CHCT1: variants seen among roughly 807,000 people sequenced by gnomAD.
The protein encoded by CHCT1 is CHD1 helical C-terminal domain containing protein 1.
chr17:60,431,050 T>C, the CHCT1 span: 27 of 626,630 alleles, frequency 4.3e-5, no homozygotes, highest in Admixed American at 5.0e-4. Context: ...AACTAAGTGA[T>C]ATAGGTGGGA....
the CHCT1 span, chr17:60,429,417 A>G: frequency 1.2e-6 from 2 of 1,614,126 alleles, no homozygotes; most frequent in Non-Finnish European, 1.7e-6. Flanking sequence ...GACCGGGAAG[A>G]CAGTCTGCCC....
the CHCT1 span, among the ~76,000 whole-genome samples, chr17:60,423,212 GAC>G: frequency 6.8e-6 from 1 of 146,932 alleles, no homozygotes; most frequent in East Asian, 2.0e-4. Flanking sequence ...TTTTTTTTGA[GAC>G]AGAGTCTCAC....
the CHCT1 span, chr17:60,431,158 G>A: frequency 1.3e-6 from 2 of 1,518,498 alleles, no homozygotes; most frequent in Middle Eastern, 1.7e-4. Flanking sequence ...CATTGGGACT[G>A]TCTCTGACCT....
the CHCT1 span, chr17:60,421,360 G>A: frequency 1.0e-6 from 1 of 985,318 alleles, no homozygotes; most frequent in Non-Finnish European, 1.2e-6. Context: ...CCGGGCCTCC[G>A]GGCTACCCCT....
chr17:60,431,251 A>G, the CHCT1 span: 2 of 1,603,848 alleles, frequency 1.2e-6, no homozygotes, highest in Non-Finnish European at 1.7e-6. Context: ...CAGAAACTCC[A>G]GAGACTGAAC....
chr17:60,426,568 G>A, the CHCT1 span: 1 of 1,244,078 alleles, frequency 8.0e-7, no homozygotes, highest in Admixed American at 2.5e-5. Flanking sequence ...TCAAGTTTGG[G>A]CAAATCCCCA....
At chr17:60,421,666 G>T in the CHCT1 span, 1 of 913,008 alleles carries the variant, frequency 1.1e-6, no homozygotes, top group Non-Finnish European at 1.3e-6. Flanking sequence ...CTGCTGCCGC[G>T]CCAGGGGCGA....
At chr17:60,422,599 G>A in the CHCT1 span, 6 of 1,550,474 alleles carry the variant, frequency 3.9e-6, no homozygotes, top group Non-Finnish European at 5.2e-6. Context: ...TGAGATGGAG[G>A]CCTCAGATGG....
At chr17:60,422,510 G>T in the CHCT1 span, 1 of 1,541,750 alleles carries the variant, frequency 6.5e-7, no homozygotes, top group South Asian at 1.2e-5. Flanking sequence ...TCCCTGAGAC[G>T]GCTAGGTCAC....
At chr17:60,422,642 A>G in the CHCT1 span, 1 of 1,522,210 alleles carries the variant, frequency 6.6e-7, no homozygotes, top group Non-Finnish European at 8.9e-7. Context: ...CCACTAGAGC[A>G]GGTGAAGTGG....
the CHCT1 span, among the ~76,000 whole-genome samples, chr17:60,424,987 A>G: frequency 6.6e-6 from 1 of 152,154 alleles, no homozygotes; most frequent in Non-Finnish European, 1.5e-5. Context: ...GATCCTACAT[A>G]CCACTCAAAC....
the CHCT1 span, chr17:60,431,196 T>C: frequency 1.2e-5 from 19 of 1,601,876 alleles, no homozygotes; most frequent in Non-Finnish European, 1.6e-5. Flanking sequence ...TTAAGGGAGC[T>C]TTCTCAAAAA....
chr17:60,430,255 T>C, the CHCT1 span, among the ~76,000 whole-genome samples: 1 of 150,474 alleles, frequency 6.6e-6, no homozygotes, highest in Non-Finnish European at 1.5e-5. Flanking sequence ...TGTTCCTCTA[T>C]AAACAGGACT....
At chr17:60,426,192 T>A in the CHCT1 span, 1 of 1,551,748 alleles carries the variant, frequency 6.4e-7, no homozygotes. Context: ...CTGAAGAAGT[T>A]CCTGCGAAAG....
chr17:60,428,589 C>A, the CHCT1 span, among the ~76,000 whole-genome samples: 1 of 150,306 alleles, frequency 6.7e-6, no homozygotes, highest in African/African-American at 2.4e-5. Context: ...CAGGTTCAAG[C>A]GATTCTCTTG....
chr17:60,427,180 G>A, the CHCT1 span, among the ~76,000 whole-genome samples: 1 of 152,218 alleles, frequency 6.6e-6, no homozygotes, highest in Non-Finnish European at 1.5e-5. Flanking sequence ...GCTACCCTAT[G>A]GGCAGTGTGC....
chr17:60,422,441 G>A, the CHCT1 span: 1 of 1,505,100 alleles, frequency 6.6e-7, no homozygotes, highest in East Asian at 2.6e-5. Flanking sequence ...GTGGGGGGCT[G>A]GGTTCTGTGT....
At chr17:60,422,774 G>A in the CHCT1 span, 1 of 974,232 alleles carries the variant, frequency 1.0e-6, no homozygotes, top group Non-Finnish European at 1.5e-6. Flanking sequence ...GAGGCCTAAA[G>A]CACAAGAACT....
the CHCT1 span, among the ~76,000 whole-genome samples, chr17:60,428,570 C>G: frequency 6.6e-6 from 1 of 151,504 alleles, no homozygotes; most frequent in African/African-American, 2.4e-5. Flanking sequence ...TCACCACAAC[C>G]TCCACCTCCA....
Sources: allele counts gnomAD v4.1 joint callset (sites outside exome capture counted in the v4.1 genomes callset), GRCh38; gene constraint gnomAD v4.1.1; transcripts MANE v1.5; gene names NCBI Gene and HGNC (gene_info 2026-07-23, HGNC 2026-07-21).